The following CTNND2 variants were observed in gnomAD, a reference collection of about 807,000 sequenced individuals.
The protein encoded by CTNND2 is catenin delta-2.
A neutral mutation model predicts 144.4 loss-of-function variants in CTNND2; 22 were observed. That is an observed-to-expected ratio of 0.15 (90% CI 0.11 to 0.22). The LOEUF is 0.22. Ranked by LOEUF, CTNND2 falls within the 10% of genes least tolerant of loss-of-function variation. CTNND2 has a pLI of 1.00. For missense variants in CTNND2, 1,353 were observed against 1,618.8 expected (o/e 0.84, Z 2.82); for synonymous variants, 751 against 695.6 (o/e 1.08, Z -1.25).
In CTNND2 at chr5:10,988,242, G is replaced by C; in HGVS notation, c.3212C>G (p.Ala1071Gly). 1 of 1,614,124 alleles carries C rather than the reference G, an allele frequency of 6.2e-7. No homozygotes were observed. The highest frequency in any genetic ancestry group is 8.5e-7 in the Non-Finnish European group (1 of 1,179,990). ...TTCCCGAGGTGAAGCTGGGGCACTT[G>C]CTACATAAAGAAATCAAAAGGGGGA... The part of the protein sequence containing the change: ...PVRVSPNNRS[A>G]SAPASPREMI... The change falls in exon 20 of 22, where the codon GCA becomes GGA. Residue 1071 changes from alanine (A) to glycine (G), a missense_variant and splice_region_variant. Coordinates refer to ENST00000304623, the MANE Select transcript of CTNND2 (RefSeq NM_001332.4). This position sits in a 1 kb window ranked among gnomAD's most constrained non-coding sequence, Gnocchi z 5.9.
At chr5:11,482,100 G>A (rs181130197) in intron 3 of CTNND2, among the ~76,000 whole-genome samples, 1 of 152,172 alleles carries the variant, frequency 6.6e-6, no homozygotes, top group East Asian at 1.9e-4. Context: ...TCCCATCATT[G>A]AAGTCGGACT....
intron 11 of CTNND2, among the ~76,000 whole-genome samples, chr5:11,178,520 C>A (rs1479607404): frequency 6.6e-6 from 1 of 152,042 alleles, no homozygotes; most frequent in African/African-American, 2.4e-5. Context: ...AGAGATGATA[C>A]AACTTGAATG....
intron 3 of CTNND2, among the ~76,000 whole-genome samples, chr5:11,533,985 C>T (rs948183304): frequency 2.0e-5 from 3 of 152,166 alleles, no homozygotes; most frequent in Admixed American, 6.5e-5. Context: ...AACATGCAGG[C>T]TTCTGTATAG....
At chr5:11,088,561 T>C (rs1750422220) in intron 15 of CTNND2, among the ~76,000 whole-genome samples, 2 of 152,224 alleles carry the variant, frequency 1.3e-5, no homozygotes, top group African/African-American at 2.4e-5. Flanking sequence ...CTGGACTTCA[T>C]GTTTTTCTTT....
At position 11,384,985 on chromosome 5, in the gene CTNND2, G is replaced by C. The variant is rs759174608; in HGVS notation, c.857C>G (p.Ala286Gly). ...SPTKLQRGGS[A>G]PEGATYAAPR... ...CGCGGCGTAGGTGGCGCCCTCGGGG[G>C]CCGAGCCGCCGCGCTGCAGCTTGGT... Residue 286 changes from alanine to glycine, a missense_variant, in exon 7 of 22, where the codon GCC becomes GGC. Transcript: ENST00000304623. The surrounding 1 kb of genome is among the most constrained non-coding windows in gnomAD (Gnocchi z 5.2). 32 of 1,521,224 alleles carry C rather than the reference G, an allele frequency of 2.1e-5. No individual in the cohort carries two copies. The South Asian group carries it at 3.9e-4, about 19-fold the overall frequency. 94.2% of individuals were successfully genotyped at this position (1,521,224 alleles called of 1,614,324 possible).
intron 10 of CTNND2, among the ~76,000 whole-genome samples, chr5:11,234,978 T>G (rs1741467733): frequency 6.6e-6 from 1 of 152,192 alleles, no homozygotes; most frequent in Non-Finnish European, 1.5e-5. Context: ...TCCATAAGCT[T>G]TCTCAAGACA....
intron 3 of CTNND2, among the ~76,000 whole-genome samples, chr5:11,446,670 T>G (rs533435247): frequency 2.6e-3 from 394 of 152,244 alleles, no homozygotes; most frequent in African/African-American, 9.0e-3. Context: ...GTTCAGTCTG[T>G]ACCCCACATC....
rs2149474769 is a variant in CTNND2, at chr5:10,972,499, T to C, written c.*954A>G. 1 of 152,694 alleles carries C rather than the reference T, an allele frequency of 6.5e-6. No homozygotes were observed. Among genetic ancestry groups the C allele is most frequent in the South Asian group, 2.1e-4 (1 of 4,830 alleles). 9.5% of individuals were successfully genotyped at this position (152,694 alleles called of 1,614,324 possible). A position where few individuals can be genotyped will look rare whatever the true frequency, so the allele number is the denominator to read the frequency against. On this transcript the variant is annotated 3_prime_UTR_variant, in exon 22 of 22. Coordinates refer to ENST00000304623, the MANE Select transcript of CTNND2 (RefSeq NM_001332.4). ...AATGTGTATTTTGTAAGATATAGGT[T>C]CTTGGAAATAGACATTCTTAGCAAA...
chr5:11,797,785 A>G (rs1476258288), intron 1 of CTNND2, among the ~76,000 whole-genome samples: 3 of 152,238 alleles, frequency 2.0e-5, no homozygotes, highest in Non-Finnish European at 4.4e-5. Context: ...GTATATGAAT[A>G]GTCTAAATTT....
chr5:11,593,333 T>C (rs1447476961), intron 2 of CTNND2, among the ~76,000 whole-genome samples: 1 of 152,196 alleles, frequency 6.6e-6, no homozygotes, highest in Non-Finnish European at 1.5e-5. Flanking sequence ...GTGTTAAGTC[T>C]GAAATGCAAT....
intron 8 of CTNND2, among the ~76,000 whole-genome samples, chr5:11,351,899 C>CA (rs1241745605): frequency 6.6e-6 from 1 of 152,056 alleles, no homozygotes; most frequent in Non-Finnish European, 1.5e-5. Context: ...GATGAGGTGA[C>CA]AATGGGTCCA....
At chr5:11,250,520 T>TATATATATATA (rs1491283471) in intron 9 of CTNND2, among the ~76,000 whole-genome samples, 2 of 5,534 alleles carry the variant, frequency 3.6e-4, no homozygotes, top group South Asian at 7.5e-3. Flanking sequence ...TATACATATA[T>TATATATATATA]TTTTTTTTTT....
chr5:11,207,869 G>A (rs764811094), intron 10 of CTNND2, among the ~76,000 whole-genome samples: 8 of 152,156 alleles, frequency 5.3e-5, no homozygotes, highest in Non-Finnish European at 1.2e-4. Flanking sequence ...TGTTGTGGGT[G>A]TGATGGTCAA....
intron 1 of CTNND2, among the ~76,000 whole-genome samples, chr5:11,828,418 T>G (rs930891576): frequency 6.6e-6 from 1 of 152,062 alleles, no homozygotes; most frequent in Non-Finnish European, 1.5e-5. Context: ...TAATCCCAGC[T>G]ACTTGGGAGG....
intron 1 of CTNND2, among the ~76,000 whole-genome samples, chr5:11,812,021 C>G (rs1333085086): frequency 6.6e-6 from 1 of 152,172 alleles, no homozygotes; most frequent in Admixed American, 6.5e-5. Context: ...ATAATAAAAA[C>G]ATGGTAATGT....
chr5:11,349,253 G>T (rs1245593420), intron 8 of CTNND2, among the ~76,000 whole-genome samples: 1 of 152,174 alleles, frequency 6.6e-6, no homozygotes, highest in African/African-American at 2.4e-5. Context: ...TAGGAAAGGG[G>T]ATTGTACACT....
intron 16 of CTNND2, among the ~76,000 whole-genome samples, chr5:11,044,558 AT>A (rs1745036416): frequency 6.6e-6 from 1 of 151,272 alleles, no homozygotes; most frequent in African/African-American, 2.4e-5. Flanking sequence ...ATATATATAT[AT>A]ATATAAATGG....
At chr5:11,661,659 G>T (rs548064057) in intron 2 of CTNND2, among the ~76,000 whole-genome samples, 1 of 151,896 alleles carries the variant, frequency 6.6e-6, no homozygotes, top group Non-Finnish European at 1.5e-5. Context: ...AGTAACTTTT[G>T]TAACAACTGC....
In CTNND2 at chr5:11,122,307, G is replaced by A. The variant is rs117910829; in HGVS notation, c.2160-4740C>T. On this transcript the variant is annotated intron_variant, in intron 12 of 21. Transcript: ENST00000304623. ...GCATACAGCATCGCAAGTAAAATTA[G>A]TTCAAGATATAAACTTTCTTATGAT... 7.2e-5 allele frequency among the ~76,000 whole-genome samples: 11 copies of A among 151,994 alleles called. No homozygotes were observed. In the East Asian group the frequency reaches 2.1e-3, roughly 29 times the overall value.
Sources: allele counts gnomAD v4.1 joint callset (sites outside exome capture counted in the v4.1 genomes callset), GRCh38; gene constraint gnomAD v4.1.1; non-coding constraint Gnocchi (gnomAD v3.1); transcripts MANE v1.5; gene names NCBI Gene and HGNC (gene_info 2026-07-23, HGNC 2026-07-21).